Variants in XKR9 observed in about 807,000 individuals in gnomAD.
The protein encoded by XKR9 is XK-related protein 9.
A neutral mutation model predicts 32.0 loss-of-function variants in XKR9; 32 were observed. The observed-to-expected ratio is 1.00, with a 90% CI of 0.76 to 1.34. XKR9 has a LOEUF of 1.34. Ranked by LOEUF, XKR9 falls within the 40% of genes most tolerant of loss-of-function variation. The probability of loss-of-function intolerance (pLI) is 0.00; values close to 1 mark genes in which losing one functional copy is unlikely to be tolerated. For synonymous variants in XKR9, 168 were observed against 143.4 expected (o/e 1.17, Z -1.22); for missense variants, 546 against 429.7 (o/e 1.27, Z -2.39).
At chr8:70,832,640 A>G in the XKR9 span, among the ~76,000 whole-genome samples, 2 of 152,220 alleles carry the variant, frequency 1.3e-5, no homozygotes, top group East Asian at 3.8e-4. Flanking sequence ...GATAACTCCT[A>G]TTAAGCATTA....
the XKR9 span, among the ~76,000 whole-genome samples, chr8:70,832,187 G>A: frequency 6.6e-6 from 1 of 152,124 alleles, no homozygotes; most frequent in African/African-American, 2.4e-5. Flanking sequence ...TTCTTATAGA[G>A]TATCACATTT....
downstream of XKR9, among the ~76,000 whole-genome samples, chr8:70,793,794 T>C (rs866583281): frequency 1.3e-5 from 2 of 152,120 alleles, no homozygotes; most frequent in South Asian, 4.1e-4. Context: ...GTGAGTTCTC[T>C]AACTTTGTCC....
At chr8:70,817,149 A>G in the XKR9 span, among the ~76,000 whole-genome samples, 470 of 152,232 alleles carry the variant, frequency 3.1e-3, 4 homozygotes, top group African/African-American at 0.011. Context: ...GGCAAGCAAA[A>G]GAAATAAAAG....
chr8:70,758,910 A>T (rs1228737618), intron 2 of XKR9, among the ~76,000 whole-genome samples: 3 of 152,204 alleles, frequency 2.0e-5, no homozygotes, highest in Non-Finnish European at 2.9e-5. Context: ...GTTTAGAGGC[A>T]GTCTCTAATG....
chr8:70,698,145 T>C (rs1446283108), intron 3 of XKR9, among the ~76,000 whole-genome samples: 1 of 152,162 alleles, frequency 6.6e-6, no homozygotes, highest in Non-Finnish European at 1.5e-5. Context: ...GCTCCTGGAT[T>C]CATTAATTTT....
chr8:71,063,072 TTA>T, the XKR9 span, among the ~76,000 whole-genome samples: 2 of 152,194 alleles, frequency 1.3e-5, no homozygotes, highest in African/African-American at 2.4e-5. Context: ...GTAACTTGGT[TTA>T]GCATCTTTGC....
In XKR9 at chr8:70,735,607, TC is replaced by T. The variant is rs1398011477; in HGVS notation, c.*1189del. 6.2e-4 allele frequency: 53 copies of T among 85,552 alleles called. No homozygotes were observed. The highest frequency in any genetic ancestry group is 9.9e-4 in the Non-Finnish European group (46 of 46,314). The allele number at this position is 85,552 out of a possible 1,614,324, so 5.3% of individuals were successfully genotyped here. A position where few individuals can be genotyped will look rare whatever the true frequency, so the allele number is the denominator to read the frequency against. On this transcript the variant is annotated 3_prime_UTR_variant, in exon 5 of 5. Coordinates refer to ENST00000408926, the MANE Select transcript of XKR9 (RefSeq NM_001011720.2). ...TAGGTATATCTCCTAAAGCTATCCC[TC>T]CCCCCTCCCCCCACCCCACAACAGT...
At chr8:70,764,557 T>G (rs1283171054) in intron 2 of XKR9, among the ~76,000 whole-genome samples, 1 of 152,178 alleles carries the variant, frequency 6.6e-6, no homozygotes, top group Admixed American at 6.6e-5. Flanking sequence ...ATCTGCCTCT[T>G]CATTTGTTAA....
chr8:70,856,303 A>G, the XKR9 span, among the ~76,000 whole-genome samples: 2 of 152,150 alleles, frequency 1.3e-5, no homozygotes, highest in Admixed American at 1.3e-4. Context: ...CAAATGGAAA[A>G]CAAAATAAAG....
chr8:70,751,321 G>A (rs1807137770), intron 2 of XKR9, among the ~76,000 whole-genome samples: 1 of 152,058 alleles, frequency 6.6e-6, no homozygotes, highest in African/African-American at 2.4e-5. Context: ...GTAGAAATGG[G>A]GTTTCACCAT....
the XKR9 span, among the ~76,000 whole-genome samples, chr8:70,819,153 T>C: frequency 6.6e-6 from 1 of 152,198 alleles, no homozygotes; most frequent in Non-Finnish European, 1.5e-5. Flanking sequence ...CCTTGAGCTG[T>C]TTGTTTAGCA....
At chr8:70,890,293 A>G in the XKR9 span, among the ~76,000 whole-genome samples, 5 of 151,836 alleles carry the variant, frequency 3.3e-5, no homozygotes, top group African/African-American at 9.7e-5. Context: ...TTTGGATGGC[A>G]TTTATTACTT....
chr8:70,669,360 G>A lies in XKR9; in HGVS notation c.-539G>A, dbSNP rs572932827. On this transcript the variant is annotated 5_prime_UTR_variant, in exon 1 of 5. Transcript: ENST00000408926. ...AACTAGAGGTCACGTGACGCCGCGC[G>A]GGCTGCGCGGGCAGTGGTGGGAAGG... The A allele has an allele frequency of 1.1e-3, 544 of 492,264 alleles. No homozygotes were observed. Among genetic ancestry groups the A allele is most frequent in the Admixed American group, 2.1e-3 (55 of 25,662 alleles). 30.5% of individuals were successfully genotyped at this position (492,264 alleles called of 1,614,324 possible).
chr8:70,785,737 C>CTATA (rs1300754425), intron 2 of XKR9, among the ~76,000 whole-genome samples: 26 of 115,692 alleles, frequency 2.2e-4, no homozygotes, highest in African/African-American at 7.0e-4. Flanking sequence ...CTCTCTCTCT[C>CTATA]TCTATATATA....
intron 4 of XKR9, among the ~76,000 whole-genome samples, chr8:70,720,209 G>A (rs1806230279): frequency 6.6e-6 from 1 of 152,042 alleles, no homozygotes; most frequent in African/African-American, 2.4e-5. Context: ...GCTGAGACAA[G>A]GGGTATTCTA....
At chr8:70,972,249 T>C in the XKR9 span, among the ~76,000 whole-genome samples, 2 of 152,082 alleles carry the variant, frequency 1.3e-5, no homozygotes, top group African/African-American at 4.8e-5. Context: ...TTGAGTTCTT[T>C]ATTTGATTCT....
At chr8:70,869,624 C>T in the XKR9 span, among the ~76,000 whole-genome samples, 1 of 152,318 alleles carries the variant, frequency 6.6e-6, no homozygotes, top group East Asian at 1.9e-4. Context: ...GTTCTTTCCA[C>T]TGTATCTCAC....
intron 3 of XKR9, among the ~76,000 whole-genome samples, chr8:70,687,777 G>C (rs1174169285): frequency 6.6e-6 from 1 of 152,052 alleles, no homozygotes; most frequent in Non-Finnish European, 1.5e-5. Flanking sequence ...TTTTAATGTT[G>C]ATTTTTAATT....
the XKR9 span, among the ~76,000 whole-genome samples, chr8:70,938,436 A>G: frequency 6.6e-6 from 1 of 151,954 alleles, no homozygotes; most frequent in Non-Finnish European, 1.5e-5. Context: ...ATGTTAAAAG[A>G]TGCCACTTGG....
Sources: gnomAD v4.1 joint callset for allele counts (sites outside exome capture counted in the v4.1 genomes callset) on GRCh38, gnomAD v4.1.1 for gene constraint, MANE v1.5 for transcripts, NCBI Gene and HGNC (gene_info 2026-07-23, HGNC 2026-07-21) for gene names.